Variants in EXOC4 observed in about 807,000 individuals in gnomAD.
The protein encoded by EXOC4 is exocyst complex component 4.
Under a neutral mutation model 107.2 loss-of-function variants are expected in EXOC4, and 71 were observed. That is an observed-to-expected ratio of 0.66 (90% CI 0.55 to 0.81). The LOEUF (loss-of-function observed/expected upper bound fraction) is 0.81, where lower values mean the gene tolerates loss of function less well. Ranked by LOEUF, EXOC4 falls within the 30% of genes least tolerant of loss-of-function variation. EXOC4 has a pLI of 0.00. For synonymous variants in EXOC4, 456 were observed against 441.2 expected (o/e 1.03, Z -0.42); for missense variants, 1,108 against 1,189.6 (o/e 0.93, Z 1.01).
At position 133,263,547 on chromosome 7, in the gene EXOC4, A is replaced by G. The variant is rs561813761; in HGVS notation, c.86+10360A>G. The stretch of plus-strand genomic sequence containing the variant: ...CAGGTGTGTGCCACCATGCCCAGCT[A>G]GTTTTTGTATTTTTTGTAGACAGGG... On this transcript the variant is annotated intron_variant, in intron 1 of 17. Transcript: ENST00000253861. 2.0e-5 allele frequency among the ~76,000 whole-genome samples: 3 copies of G among 151,754 alleles called. No homozygotes were observed. In the East Asian group the frequency reaches 5.8e-4, roughly 30 times the overall value.
At chr7:133,530,814 A>G (rs1800167786) in intron 9 of EXOC4, among the ~76,000 whole-genome samples, 1 of 152,218 alleles carries the variant, frequency 6.6e-6, no homozygotes. Flanking sequence ...TTTGGCACGT[A>G]TTCAACTTTG....
intron 14 of EXOC4, among the ~76,000 whole-genome samples, chr7:133,959,406 A>G (rs1278558949): frequency 6.6e-6 from 1 of 152,044 alleles, no homozygotes; most frequent in Non-Finnish European, 1.5e-5. Context: ...GTGAAATAAA[A>G]ATCTCAGAAG....
At chr7:133,410,940 G>T (rs533917651) in intron 7 of EXOC4, among the ~76,000 whole-genome samples, 1 of 152,232 alleles carries the variant, frequency 6.6e-6, no homozygotes, top group South Asian at 2.1e-4. Flanking sequence ...ACAGTGAAAT[G>T]TATTGTTTGT....
chr7:133,972,644 G>A (rs572084655), intron 14 of EXOC4, among the ~76,000 whole-genome samples: 2 of 152,262 alleles, frequency 1.3e-5, no homozygotes, highest in East Asian at 3.9e-4. Flanking sequence ...TCTTTATATT[G>A]AAATAAAGCA....
intron 11 of EXOC4, among the ~76,000 whole-genome samples, chr7:133,840,708 C>T (rs536627772): frequency 6.6e-6 from 1 of 151,930 alleles, no homozygotes; most frequent in African/African-American, 2.4e-5. Context: ...GTCTCCATCT[C>T]CTGGCCTCGC....
At chr7:133,700,351 A>T (rs1183869011) in intron 10 of EXOC4, among the ~76,000 whole-genome samples, 1 of 152,170 alleles carries the variant, frequency 6.6e-6, no homozygotes, top group Non-Finnish European at 1.5e-5. Flanking sequence ...GAGCTACACT[A>T]ATCTATTCTG....
rs114501924 is a variant in EXOC4 at position 133,494,014 on chromosome 7, C to G, written c.1417+13876C>G. Among the ~76,000 whole-genome samples the G allele has an allele frequency of 5.6e-3, 847 of 152,314 alleles. 8 individuals are homozygous for G. The highest frequency in any genetic ancestry group is 0.019 in the African/African-American group (804 of 41,570). ...GGTTAAAAGGGAAAGGACAGCCCTTCTATTTATGAATTAATGGCAGCTGAA... is the reference window on the plus strand; with the variant it reads ...GGTTAAAAGGGAAAGGACAGCCCTTGTATTTATGAATTAATGGCAGCTGAA... On this transcript the variant is annotated intron_variant, in intron 9 of 17. Coordinates refer to ENST00000253861, the MANE Select transcript of EXOC4 (RefSeq NM_021807.4).
chr7:133,340,437 T>G (rs1184902392), intron 5 of EXOC4, among the ~76,000 whole-genome samples: 1 of 151,514 alleles, frequency 6.6e-6, no homozygotes, highest in Admixed American at 6.6e-5. Context: ...TTTTTTTTTT[T>G]TTGAGGATTT....
chr7:133,347,981 C>T (rs1435780125), intron 5 of EXOC4, among the ~76,000 whole-genome samples: 2 of 152,094 alleles, frequency 1.3e-5, no homozygotes, highest in East Asian at 1.9e-4. Context: ...AAAACCTACA[C>T]GTTGAGTACA....
chr7:134,055,086 C>T (rs535787121), intron 17 of EXOC4, among the ~76,000 whole-genome samples: 52 of 152,308 alleles, frequency 3.4e-4, no homozygotes, highest in African/African-American at 8.7e-4. Flanking sequence ...CATATGTTTA[C>T]GCTTCTCAAA....
At chr7:133,369,333 T>C (rs1271603870) in intron 6 of EXOC4, among the ~76,000 whole-genome samples, 1 of 151,970 alleles carries the variant, frequency 6.6e-6, no homozygotes, top group African/African-American at 2.4e-5. Flanking sequence ...AGGGACAACA[T>C]ATGATTGACT....
Position 133,817,518 on chromosome 7 carries a change from C to G in EXOC4, c.1708C>G (p.Leu570Val). ...GGCCAACGCAGACACCATGAAGGTG[C>G]TGGGAGTGCAGCGGCCTCTCCTACA... Reference protein sequence around the residue: ...ILANADTMKVLGVQRPLLQST... With the variant: ...ILANADTMKVVGVQRPLLQST... The change falls in exon 11 of 18, where the codon CTG (leucine) becomes GTG (valine). Residue 570 changes from leucine (L) to valine (V), a missense_variant. Transcript: ENST00000253861. 6.2e-7 allele frequency: 1 copy of G among 1,614,010 alleles called. No individual in the cohort carries two copies. The highest frequency in any genetic ancestry group is 1.1e-5 in the South Asian group (1 of 91,074).
chr7:133,748,855 A>G (rs1271667754), intron 10 of EXOC4, among the ~76,000 whole-genome samples: 1 of 152,200 alleles, frequency 6.6e-6, no homozygotes, highest in East Asian at 1.9e-4. Context: ...AAACCATGTT[A>G]TTTGCACAGT....
chr7:133,475,467 T>A lies in EXOC4; in HGVS notation c.1322T>A (p.Leu441His), dbSNP rs746122885. Reference protein sequence around the residue: ...KKKPQRPKNSLFKFESSSHAI... With the variant: ...KKKPQRPKNSHFKFESSSHAI... Reference sequence around the variant, plus strand: ...AAACCTCAAAGGCCAAAAAATTCTCTTTTCAAGTAAGTATTATTCTGCTGT... The same window carrying A: ...AAACCTCAAAGGCCAAAAAATTCTCATTTCAAGTAAGTATTATTCTGCTGT... Residue 441 changes from leucine (L) to histidine (H), a missense_variant, in exon 8 of 18, where the codon CTT becomes CAT. Coordinates refer to ENST00000253861, the MANE Select transcript of EXOC4 (RefSeq NM_021807.4). 1.1e-5 allele frequency: 18 copies of A among 1,613,988 alleles called. No individual in the cohort carries two copies. The highest frequency in any genetic ancestry group is 1.4e-5 in the Non-Finnish European group (17 of 1,179,922).
chr7:133,335,553 A>C (rs1367158308), intron 5 of EXOC4, among the ~76,000 whole-genome samples: 1 of 152,230 alleles, frequency 6.6e-6, no homozygotes, highest in Non-Finnish European at 1.5e-5. Flanking sequence ...TTCAAGGCTG[A>C]ATAATACTCC....
intron 11 of EXOC4, among the ~76,000 whole-genome samples, chr7:133,831,981 C>T (rs1465972937): frequency 6.6e-6 from 1 of 152,152 alleles, no homozygotes; most frequent in Non-Finnish European, 1.5e-5. Flanking sequence ...CTGGCTCCCA[C>T]CATCTCCCAT....
chr7:133,981,369 A>G (rs1050557460), intron 14 of EXOC4, among the ~76,000 whole-genome samples: 1 of 152,206 alleles, frequency 6.6e-6, no homozygotes, highest in Non-Finnish European at 1.5e-5. Context: ...TGCCCACATA[A>G]AACTGTAGAT....
intron 15 of EXOC4, among the ~76,000 whole-genome samples, chr7:134,000,383 T>C (rs562640421): frequency 6.6e-6 from 1 of 152,290 alleles, no homozygotes; most frequent in East Asian, 1.9e-4. Flanking sequence ...GGCGTGACTG[T>C]GGTAGAGACC....
At chr7:133,755,938 G>C (rs1795907787) in intron 10 of EXOC4, among the ~76,000 whole-genome samples, 1 of 152,040 alleles carries the variant, frequency 6.6e-6, no homozygotes, top group South Asian at 2.1e-4. Context: ...AGTCTGCATG[G>C]TGGCTGTATT....
Sources: gnomAD v4.1 joint callset for allele counts (sites outside exome capture counted in the v4.1 genomes callset) on GRCh38, gnomAD v4.1.1 for gene constraint, MANE v1.5 for transcripts, NCBI Gene and HGNC (gene_info 2026-07-23, HGNC 2026-07-21) for gene names.